The following FAM193B variants were observed in gnomAD, a reference collection of about 807,000 sequenced individuals.
FAM193B encodes the protein family with sequence similarity 193 member B.
A neutral mutation model predicts 70.7 loss-of-function variants in FAM193B; 27 were observed. The ratio of observed to expected loss-of-function variants is 0.38; its 90% confidence interval spans 0.28 to 0.53. FAM193B has a LOEUF of 0.53. FAM193B is among the 20% of genes least tolerant of loss of function. FAM193B has a pLI of 0.81. For missense variants in FAM193B, 1,022 were observed against 1,072.5 expected (o/e 0.95, Z 0.66); for synonymous variants, 448 against 436.0 (o/e 1.03, Z -0.34).
At chr5:177,549,116 C>A (rs983314422) in intron 1 of FAM193B, among the ~76,000 whole-genome samples, 1 of 151,970 alleles carries the variant, frequency 6.6e-6, no homozygotes, top group Non-Finnish European at 1.5e-5. Flanking sequence ...ATACTCAGAG[C>A]TACCACTTGT....
intron 1 of FAM193B, among the ~76,000 whole-genome samples, chr5:177,540,503 C>A (rs1293107286): frequency 6.6e-6 from 1 of 152,140 alleles, no homozygotes; most frequent in African/African-American, 2.4e-5. Flanking sequence ...AGCAAATAGG[C>A]TGCCAGCCAT....
intron 5 of FAM193B, among the ~76,000 whole-genome samples, chr5:177,527,982 A>T (rs1459603350): frequency 6.6e-6 from 1 of 152,162 alleles, no homozygotes; most frequent in African/African-American, 2.4e-5. Flanking sequence ...TGGGGAGGAA[A>T]CACTATTGGG....
intron 1 of FAM193B, chr5:177,553,720 G>A: frequency 7.8e-7 from 1 of 1,287,940 alleles, no homozygotes; most frequent in Non-Finnish European, 1.0e-6. Context: ...CGGGCAGCCT[G>A]GCTGTCTGCT....
At chr5:177,539,361 T>C in intron 1 of FAM193B, 1 of 587,182 alleles carries the variant, frequency 1.7e-6, no homozygotes, top group South Asian at 2.4e-5. Context: ...AGAAGTTAAA[T>C]GAGTTGCCCA....
chr5:177,526,945 G>A (rs1762704007), intron 5 of FAM193B, among the ~76,000 whole-genome samples: 2 of 152,234 alleles, frequency 1.3e-5, no homozygotes, highest in African/African-American at 4.8e-5. Flanking sequence ...GGAGACAACA[G>A]CAAACAGCCT....
At chr5:177,536,812 C>A in intron 3 of FAM193B, 67 bp from the exon 4 acceptor site, 1 of 1,517,300 alleles carries the variant, frequency 6.6e-7, no homozygotes, top group Admixed American at 2.3e-5. Flanking sequence ...AGCCCACAGG[C>A]TCACTGCCAC....
intron 1 of FAM193B, chr5:177,553,365 C>T: frequency 1.0e-6 from 1 of 996,406 alleles, no homozygotes; most frequent in Non-Finnish European, 1.2e-6. Context: ...GCAGGCTCAG[C>T]CAAAAGACCA....
chr5:177,545,472 T>C (rs1263627778), intron 1 of FAM193B, among the ~76,000 whole-genome samples: 1 of 152,186 alleles, frequency 6.6e-6, no homozygotes, highest in African/African-American at 2.4e-5. Flanking sequence ...AGCTTTAATA[T>C]TTAATTTGGT....
chr5:177,552,995 G>A (rs184397545), intron 1 of FAM193B, among the ~76,000 whole-genome samples: 1 of 152,306 alleles, frequency 6.6e-6, no homozygotes, highest in African/African-American at 2.4e-5. Flanking sequence ...TCCCTGTGGA[G>A]TTCACAGTCC....
At chr5:177,521,392 C>A (rs181808665) in intron 8 of FAM193B, among the ~76,000 whole-genome samples, 29 of 152,358 alleles carry the variant, frequency 1.9e-4, no homozygotes, top group African/African-American at 6.7e-4. Context: ...GCACCCAGGT[C>A]TCTTCCTCTA....
At chr5:177,550,984 T>A (rs1004954359) in intron 1 of FAM193B, among the ~76,000 whole-genome samples, 19 of 149,266 alleles carry the variant, frequency 1.3e-4, no homozygotes, top group African/African-American at 4.2e-4. Context: ...TGTGAACCCA[T>A]GCCCAGCTAA....
Position 177,554,403 on chromosome 5 carries a change from C to G in FAM193B, c.56G>C (p.Arg19Pro). 4.4e-6 allele frequency: 5 copies of G among 1,141,136 alleles called. No individual in the cohort carries two copies. The highest frequency in any genetic ancestry group is 5.4e-6 in the Non-Finnish European group (5 of 930,842). 70.7% of individuals were successfully genotyped at this position (1,141,136 alleles called of 1,614,324 possible). A position where few individuals can be genotyped will look rare whatever the true frequency, so the allele number is the denominator to read the frequency against. The stretch of plus-strand genomic sequence containing the variant: ...CTGGGGCTTCTGCGGCCCCGCGGCC[C>G]GAGCCCGCTCGCGCCTGCCCGCACC... ...SGGAGRRERA[R>P]AAGPQKPQAP... The change falls in exon 1 of 9, where the codon CGG (arginine) becomes CCG (proline). Residue 19 changes from arginine (R) to proline (P), a missense_variant. By Grantham distance (103) the Arg-to-Pro change is moderately radical. Transcript: ENST00000514747.
In FAM193B at chr5:177,538,221, G is replaced by T; in HGVS notation, c.454-114C>A. 9.2e-7 allele frequency: 1 copy of T among 1,081,518 alleles called. No homozygotes were observed. The highest frequency in any genetic ancestry group is 1.3e-6 in the Non-Finnish European group (1 of 769,206). 67.0% of individuals were successfully genotyped at this position (1,081,518 alleles called of 1,614,324 possible). A position where few individuals can be genotyped will look rare whatever the true frequency, so the allele number is the denominator to read the frequency against. On this transcript the variant is annotated intron_variant, in intron 2 of 8. Transcript: ENST00000514747. The surrounding 1 kb of genome is among the most constrained non-coding windows in gnomAD (Gnocchi z 4.1). ...CTTCTCCTCCAGACCATGTGCCATA[G>T]CAAAAACACAATTAATACAACTCCA... is the stretch of plus-strand genomic sequence containing the variant.
At chr5:177,522,301 G>T (rs745996066) in intron 7 of FAM193B, 1 of 485,596 alleles carries the variant, frequency 2.1e-6, no homozygotes, top group African/African-American at 2.0e-5. Context: ...TGGGATTCCA[G>T]TTCCTCCTCA....
chr5:177,532,031 G>C lies in FAM193B; in HGVS notation c.1275+412C>G, dbSNP rs533319084. 2.3e-6 allele frequency: 3 copies of C among 1,292,342 alleles called. No homozygotes were observed. The highest frequency in any genetic ancestry group is 1.5e-5 in the African/African-American group (1 of 66,072). The allele number at this position is 1,292,342 out of a possible 1,614,324, so 80.1% of individuals were successfully genotyped here. ...TGATCTGAGCCTCCTTCCTGGCGCC[G>C]TCTGTGCTCACGGCCTGTCCCTCGG... On this transcript the variant is annotated intron_variant, in intron 5 of 8. Coordinates refer to ENST00000514747, the MANE Select transcript of FAM193B (RefSeq NM_001190946.3). The surrounding 1 kb of genome is among the most constrained non-coding windows in gnomAD (Gnocchi z 4.9).
At chr5:177,535,174 T>C (rs1764025366) in intron 4 of FAM193B, among the ~76,000 whole-genome samples, 1 of 152,218 alleles carries the variant, frequency 6.6e-6, no homozygotes, top group African/African-American at 2.4e-5. Context: ...ACACTGTTGG[T>C]AATGTTAAAA....
intron 7 of FAM193B, 63 bp downstream of exon 7, chr5:177,523,894 G>A: frequency 1.3e-6 from 2 of 1,576,014 alleles, no homozygotes; most frequent in Admixed American, 3.3e-5. Context: ...CACAACACAG[G>A]GCTTGAGTGT....
chr5:177,549,413 T>C (rs1401448750), intron 1 of FAM193B, among the ~76,000 whole-genome samples: 1 of 152,096 alleles, frequency 6.6e-6, no homozygotes, highest in African/African-American at 2.4e-5. Context: ...CAGGATGGTC[T>C]CGATCTCCTG....
chr5:177,546,948 G>A (rs56855967), intron 1 of FAM193B, among the ~76,000 whole-genome samples: 1 of 152,308 alleles, frequency 6.6e-6, no homozygotes, highest in African/African-American at 2.4e-5. Context: ...CTGCCACTCT[G>A]CTACTCTAAC....
Sources: allele counts gnomAD v4.1 joint callset (sites outside exome capture counted in the v4.1 genomes callset), GRCh38; gene constraint gnomAD v4.1.1; non-coding constraint Gnocchi (gnomAD v3.1); transcripts MANE v1.5; gene names NCBI Gene and HGNC (gene_info 2026-07-23, HGNC 2026-07-21).